Variants in IQANK1 observed in about 807,000 individuals in gnomAD.
The protein encoded by IQANK1 is IQ motif and ankyrin repeat domain-containing protein 1.
In IQANK1, 30 loss-of-function variants were observed where a neutral mutation model predicts 22.6. The ratio of observed to expected loss-of-function variants is 1.33; its 90% CI spans 0.99 to 1.80. The LOEUF is 1.80. Among genes scored for constraint, IQANK1 ranks in the 40% most tolerant of loss-of-function variants. IQANK1 has a pLI of 0.00. For synonymous variants in IQANK1, 122 were observed against 99.6 expected (o/e 1.23, Z -1.34); for missense variants, 275 against 235.2 (o/e 1.17, Z -1.11).
chr8:143,763,976 CA>C (rs781945458), intron 3 of IQANK1, among the ~76,000 whole-genome samples: 22 of 152,010 alleles, frequency 1.4e-4, no homozygotes, highest in Admixed American at 3.9e-4. Context: ...AACGGAGTCA[CA>C]AAAAGTCCCT....
At position 143,789,759 on chromosome 8, in the gene IQANK1, AG is replaced by A; in HGVS notation, c.1087del. The A allele has an allele frequency of 8.1e-7, 1 of 1,232,048 alleles. No homozygotes were observed. The highest frequency in any genetic ancestry group is 1.0e-6 in the Non-Finnish European group (1 of 988,014). The allele number at this position is 1,232,048 out of a possible 1,614,324, so 76.3% of individuals were successfully genotyped here. A position where few individuals can be genotyped will look rare whatever the true frequency, so the allele number is the denominator to read the frequency against. Reference sequence around the variant, plus strand: ...GCAAGTCAGTGTGGCCTCCTCCTCCAGGCCATCAAGGACACAGAGGCCCAGG... The same window carrying A: ...GCAAGTCAGTGTGGCCTCCTCCTCCAGCCATCAAGGACACAGAGGCCCAGG... On this transcript the variant is annotated splice_acceptor_variant, in intron 10 of 13. Coordinates refer to ENST00000527139, the MANE Select transcript of IQANK1 (RefSeq NM_001381874.1). LOFTEE classifies it high-confidence loss of function.
intron 3 of IQANK1, among the ~76,000 whole-genome samples, chr8:143,764,284 A>C (rs1819447440): frequency 2.0e-5 from 3 of 152,068 alleles, no homozygotes; most frequent in Admixed American, 2.0e-4. Context: ...GCAGATCACA[A>C]ATCATCCAAT....
intron 3 of IQANK1, among the ~76,000 whole-genome samples, chr8:143,763,271 C>T (rs1191979916): frequency 2.0e-5 from 3 of 152,224 alleles, no homozygotes; most frequent in African/African-American, 7.2e-5. Flanking sequence ...GCCTTGGCCT[C>T]CCAAAGTGCT....
At chr8:143,734,653 G>A (rs1325948654) in intron 1 of IQANK1, among the ~76,000 whole-genome samples, 1 of 151,728 alleles carries the variant, frequency 6.6e-6, no homozygotes, top group Non-Finnish European at 1.5e-5. Context: ...CTGCATATGA[G>A]ATTTCTCAGA....
chr8:143,735,830 C>G lies in IQANK1; in HGVS notation c.-4-20C>G, dbSNP rs782031268. The stretch of plus-strand genomic sequence containing the variant: ...CACTCTGAGCACCCTCTCCCTGGTC[C>G]TTCCCTACCCACCCCCCAGGAGAAT... On this transcript the variant is annotated intron_variant, in intron 1 of 13. Transcript: ENST00000527139. The surrounding 1 kb of genome is among the most constrained non-coding windows in gnomAD (Gnocchi z 5.2). The G allele has an allele frequency of 1.4e-6, 1 of 702,592 alleles. No individual in the cohort carries two copies. Among genetic ancestry groups the G allele is most frequent in the South Asian group, 1.5e-5 (1 of 67,590 alleles). 43.5% of individuals were successfully genotyped at this position (702,592 alleles called of 1,614,324 possible). A position where few individuals can be genotyped will look rare whatever the true frequency, so the allele number is the denominator to read the frequency against.
chr8:143,789,599 A>G, intron 10 of IQANK1, 71 bp downstream of exon 10: 1 of 1,228,450 alleles, frequency 8.1e-7, no homozygotes, highest in African/African-American at 1.6e-5. Context: ...ACCAGCCCAG[A>G]GCTCCCCGCT....
chr8:143,775,785 A>G (rs71520547), intron 7 of IQANK1, among the ~76,000 whole-genome samples: 1 of 76,002 alleles, frequency 1.3e-5, no homozygotes, highest in Non-Finnish European at 2.2e-5. Flanking sequence ...CTATAGCTGT[A>G]TTACACACAC....
At chr8:143,768,103 A>C (rs1489081198) in intron 3 of IQANK1, among the ~76,000 whole-genome samples, 1 of 151,430 alleles carries the variant, frequency 6.6e-6, no homozygotes, top group African/African-American at 2.4e-5. Context: ...GGTTGGTCTC[A>C]AACTCCTGAC....
chr8:143,773,317 CA>C (rs112006229), intron 7 of IQANK1, among the ~76,000 whole-genome samples: 34,046 of 133,576 alleles, frequency 0.25, 4,230 homozygotes, highest in East Asian at 0.51. Flanking sequence ...AAAAAAAAAA[CA>C]AAAAAAACAC....
chr8:143,768,283 C>T (rs1376022811), intron 3 of IQANK1, among the ~76,000 whole-genome samples: 3 of 152,104 alleles, frequency 2.0e-5, no homozygotes, highest in Admixed American at 6.5e-5. Context: ...GAACGTCTCA[C>T]CGCTTGTGAC....
chr8:143,748,807 C>CATAAAT (rs1554627599), intron 3 of IQANK1, among the ~76,000 whole-genome samples: 2 of 40,142 alleles, frequency 5.0e-5, no homozygotes, highest in Non-Finnish European at 5.6e-5. Flanking sequence ...AAATATATAT[C>CATAAAT]ATATAAATAT....
intron 9 of IQANK1, 79 bp from the exon 10 acceptor site, chr8:143,789,357 C>G (rs1215970578): frequency 3.4e-5 from 26 of 754,822 alleles, no homozygotes; most frequent in Admixed American, 1.3e-4. Flanking sequence ...GGGAGGTGTC[C>G]TCAGGCCCCT....
chr8:143,742,037 C>T (rs188966402), intron 3 of IQANK1: 3,097 of 294,754 alleles, frequency 0.011, 21 homozygotes, highest in Middle Eastern at 0.018. Flanking sequence ...GTCGTGATGT[C>T]CACGAGCCTG....
Position 143,790,431 on chromosome 8 carries a change from G to A in IQANK1, c.1506G>A (p.Glu502=), listed in dbSNP as rs1820013585. Residue 502 remains glutamate, a synonymous_variant, in exon 14 of 14, where the codon GAG becomes GAA. Transcript: ENST00000527139. ...AGCGGCAGCTGGAGGCGGTGCAGGA[G>A]AGGTACCTGTCGCTGCTGCGGCCCA... ...VVQRQLEAVQ[E]RYLSLLRPTD... is the part of the protein sequence containing the mutation. 1 of 598,106 alleles carries A rather than the reference G, an allele frequency of 1.7e-6. No homozygotes were observed. The allele number at this position is 598,106 out of a possible 1,614,324, so 37.0% of individuals were successfully genotyped here.
intron 3 of IQANK1, among the ~76,000 whole-genome samples, chr8:143,769,930 G>A (rs1819542177): frequency 6.6e-6 from 1 of 152,198 alleles, no homozygotes; most frequent in Non-Finnish European, 1.5e-5. Context: ...AACATTTAGT[G>A]TTTCTGTAAA....
At chr8:143,743,518 G>A (rs1242593159) in intron 3 of IQANK1, among the ~76,000 whole-genome samples, 1 of 152,170 alleles carries the variant, frequency 6.6e-6, no homozygotes, top group Non-Finnish European at 1.5e-5. Context: ...TTGCTGATAA[G>A]ATGGAACACC....
In IQANK1 at chr8:143,790,458, G is replaced by C. The variant is rs938445916; in HGVS notation, c.1533G>C (p.Thr511=). 24 of 458,232 alleles carry C rather than the reference G, an allele frequency of 5.2e-5. No individual in the cohort carries two copies. The highest frequency in any genetic ancestry group is 5.8e-4 in the Middle Eastern group (1 of 1,726). The allele number at this position is 458,232 out of a possible 1,614,324, so 28.4% of individuals were successfully genotyped here. A position where few individuals can be genotyped will look rare whatever the true frequency, so the allele number is the denominator to read the frequency against. The change falls in exon 14 of 14, where the codon ACG becomes ACC. Residue 511 remains threonine (T), a synonymous_variant. Coordinates refer to ENST00000527139, the MANE Select transcript of IQANK1 (RefSeq NM_001381874.1). ...GGTACCTGTCGCTGCTGCGGCCCAC[G>C]GACGGGCCTGAGTATAGCCCCACGC... ...QERYLSLLRP[T]DGPEYSPTQF...
At chr8:143,770,953 G>C (rs888339815) in intron 3 of IQANK1, among the ~76,000 whole-genome samples, 9 of 152,362 alleles carry the variant, frequency 5.9e-5, no homozygotes, top group South Asian at 2.1e-4. Context: ...CTCCAGGCTC[G>C]GGCTCAGCGC....
intron 3 of IQANK1, among the ~76,000 whole-genome samples, chr8:143,751,947 G>A (rs1405400568): frequency 6.6e-6 from 1 of 150,414 alleles, no homozygotes; most frequent in Non-Finnish European, 1.5e-5. Flanking sequence ...TTTTCTTTTA[G>A]CACTTTATTT....
Sources: gnomAD v4.1 joint callset for allele counts (sites outside exome capture counted in the v4.1 genomes callset) on GRCh38, gnomAD v4.1.1 for gene constraint, Gnocchi (gnomAD v3.1) non-coding constraint, MANE v1.5 for transcripts, NCBI Gene and HGNC (gene_info 2026-07-23, HGNC 2026-07-21) for gene names.